Variants in ZNF600 observed in about 807,000 individuals in gnomAD.
ZNF600 encodes zinc finger protein KR-ZNF1.
In ZNF600, 4 loss-of-function variants were observed where a neutral mutation model predicts 7.3. The ratio of observed to expected loss-of-function variants is 0.55; its 90% confidence interval spans 0.27 to 1.25. The LOEUF (loss-of-function observed/expected upper bound fraction) is 1.25, where lower values mean the gene tolerates loss of function less well. ZNF600 is among the 50% of genes most tolerant of loss of function. The pLI, the probability that ZNF600 is intolerant of heterozygous loss-of-function variation, is 0.12. For synonymous variants in ZNF600, 290 were observed against 308.9 expected (o/e 0.94, Z 0.64); for missense variants, 911 against 922.1 (o/e 0.99, Z 0.16).
chr19:52,793,018 G>A, the ZNF600 span, among the ~76,000 whole-genome samples: 77 of 152,022 alleles, frequency 5.1e-4, no homozygotes, highest in African/African-American at 1.8e-3. Flanking sequence ...TTACAGGCGT[G>A]AGCCACTGCA....
the ZNF600 span, among the ~76,000 whole-genome samples, chr19:52,827,037 G>A: frequency 2.7e-4 from 41 of 151,958 alleles, no homozygotes; most frequent in Middle Eastern, 6.8e-3. Context: ...CTATACCACC[G>A]TACTCCTGCC....
At chr19:52,829,624 T>G in the ZNF600 span, among the ~76,000 whole-genome samples, 1 of 152,056 alleles carries the variant, frequency 6.6e-6, no homozygotes, top group African/African-American at 2.4e-5. Context: ...TCTGCCCGTC[T>G]CGGCCGCCCA....
the ZNF600 span, among the ~76,000 whole-genome samples, chr19:52,802,961 C>G: frequency 6.6e-6 from 1 of 152,086 alleles, no homozygotes; most frequent in African/African-American, 2.4e-5. Flanking sequence ...CAGGGTTTCA[C>G]TGTGTTAGCC....
the ZNF600 span, among the ~76,000 whole-genome samples, chr19:52,827,136 T>G: frequency 1.3e-5 from 2 of 151,438 alleles, no homozygotes; most frequent in South Asian, 4.2e-4. Context: ...TCCTAGCTCC[T>G]TGGGAGGGTA....
chr19:52,789,410 G>T (rs2147599338), upstream of ZNF600, among the ~76,000 whole-genome samples: 1 of 152,288 alleles, frequency 6.6e-6, no homozygotes, highest in African/African-American at 2.4e-5. Context: ...TTTTGGAAAT[G>T]TATTTTCTCA....
At chr19:52,800,989 G>T in the ZNF600 span, 4 of 1,614,128 alleles carry the variant, frequency 2.5e-6, no homozygotes, top group Non-Finnish European at 3.4e-6. Flanking sequence ...TGAAGGAAGA[G>T]GGATGTATTG....
intron 2 of ZNF600, among the ~76,000 whole-genome samples, chr19:52,777,484 T>C (rs1281846385): frequency 6.6e-6 from 1 of 151,962 alleles, no homozygotes; most frequent in Non-Finnish European, 1.5e-5. Flanking sequence ...AAGGCTATAG[T>C]GAGCTATGAT....
the ZNF600 span, among the ~76,000 whole-genome samples, chr19:52,814,595 G>GA: frequency 0.067 from 9,186 of 136,740 alleles, 1,235 homozygotes; most frequent in African/African-American, 0.15. Flanking sequence ...GTCTCAAAAA[G>GA]AAAAAAAAAA....
rs201702602 is a variant in ZNF600, at chr19:52,767,564, T to A, written c.399A>T (p.Lys133Asn). Residue 133 changes from lysine (K) to asparagine (N), a missense_variant, in exon 4 of 4, where the codon AAA becomes AAT. Coordinates refer to ENST00000648973, the Ensembl canonical transcript of ZNF600. ...GTTGGTCTGTGCTACCAGTCAACTT[T>A]TTTATTTTTGTCATGGGTGCTTCAT... The A allele has an allele frequency of 5.5e-4, 891 of 1,613,936 alleles. 9 individuals carry two copies. In the East Asian group the frequency reaches 0.018, roughly 33 times the overall value.
upstream of ZNF600, among the ~76,000 whole-genome samples, chr19:52,791,777 C>A (rs2062791343): frequency 6.6e-6 from 1 of 152,174 alleles, no homozygotes; most frequent in Admixed American, 6.5e-5. Flanking sequence ...AGATCTCGCC[C>A]CCCTCCTGGA....
the ZNF600 span, chr19:52,810,286 A>AG: frequency 6.8e-7 from 1 of 1,479,156 alleles, no homozygotes; most frequent in East Asian, 2.3e-5. Context: ...TCCATTGAGG[A>AG]GAAGATGGAG....
chr19:52,794,028 A>T, the ZNF600 span, among the ~76,000 whole-genome samples: 133 of 152,272 alleles, frequency 8.7e-4, no homozygotes, highest in African/African-American at 3.2e-3. Context: ...GAAGTCACTT[A>T]TGGACACGTG....
At chr19:52,796,611 C>CA in the ZNF600 span, among the ~76,000 whole-genome samples, 1 of 152,278 alleles carries the variant, frequency 6.6e-6, no homozygotes, top group South Asian at 2.1e-4. Flanking sequence ...AACCAGCAGA[C>CA]ATGTGCCACC....
At chr19:52,816,681 A>T in the ZNF600 span, among the ~76,000 whole-genome samples, 1 of 133,092 alleles carries the variant, frequency 7.5e-6, no homozygotes, top group Admixed American at 7.5e-5. Flanking sequence ...AGAAAAAAAA[A>T]ATTAGTTGGG....
the ZNF600 span, among the ~76,000 whole-genome samples, chr19:52,807,592 A>G: frequency 1.3e-5 from 2 of 152,182 alleles, no homozygotes; most frequent in Non-Finnish European, 2.9e-5. Context: ...CTCTTTCCTC[A>G]GCCTCTCTAG....
chr19:52,780,419 G>A (rs1384049148), intron 1 of ZNF600, among the ~76,000 whole-genome samples, 162 bp downstream of exon 3: 1 of 151,902 alleles, frequency 6.6e-6, no homozygotes, highest in Non-Finnish European at 1.5e-5. Context: ...CAGCTCAAGT[G>A]AGGGCCCTGA....
chr19:52,829,464 T>G, the ZNF600 span, among the ~76,000 whole-genome samples: 1 of 150,724 alleles, frequency 6.6e-6, no homozygotes, highest in African/African-American at 2.4e-5. Context: ...AACCTCTGCC[T>G]CCTGGGTTCA....
At chr19:52,818,886 A>G in the ZNF600 span, among the ~76,000 whole-genome samples, 13 of 23,982 alleles carry the variant, frequency 5.4e-4, 2 homozygotes, top group Admixed American at 1.7e-3. Flanking sequence ...TCTGTTTGGG[A>G]AAAAAAAAAA....
chr19:52,792,111 C>G, the ZNF600 span, among the ~76,000 whole-genome samples: 6 of 152,250 alleles, frequency 3.9e-5, no homozygotes, highest in African/African-American at 1.2e-4. Context: ...TTGAGCTCCA[C>G]TCAGAGGGCG....
Sources: gnomAD v4.1 joint callset for allele counts (sites outside exome capture counted in the v4.1 genomes callset) on GRCh38, gnomAD v4.1.1 for gene constraint, MANE v1.5 for transcripts, NCBI Gene and HGNC (gene_info 2026-07-23, HGNC 2026-07-21) for gene names.